The following GRIA4 variants were observed in gnomAD, a reference collection of about 807,000 sequenced individuals.
The protein encoded by GRIA4 is glutamate receptor 4.
Under a neutral mutation model 104.0 loss-of-function variants are expected in GRIA4, and 34 were observed. That is an observed-to-expected ratio of 0.33 (90% CI 0.25 to 0.44). The LOEUF (loss-of-function observed/expected upper bound fraction) is 0.44, where lower values mean the gene tolerates loss of function less well. Among genes scored for constraint, GRIA4 ranks in the 20% least tolerant of loss-of-function variants. The pLI, the probability that GRIA4 is intolerant of heterozygous loss-of-function variation, is 1.00. For missense variants in GRIA4, 750 were observed against 1,096.5 expected (o/e 0.68, Z 4.46); for synonymous variants, 386 against 381.9 (o/e 1.01, Z -0.13).
chr11:105,729,653 A>G (rs947891153), intron 3 of GRIA4, among the ~76,000 whole-genome samples: 4 of 152,220 alleles, frequency 2.6e-5, no homozygotes, highest in African/African-American at 9.6e-5. Context: ...TAAAAAGCTT[A>G]TCCACCTGGA....
At chr11:105,854,983 G>A (rs1376074655) in intron 4 of GRIA4, among the ~76,000 whole-genome samples, 1 of 152,196 alleles carries the variant, frequency 6.6e-6, no homozygotes, top group Non-Finnish European at 1.5e-5. Flanking sequence ...AGGTTCAACT[G>A]TATTGTGAAA....
At chr11:105,613,161 G>C (rs1331132556) in intron 3 of GRIA4, 1 of 151,966 alleles carries the variant, frequency 6.6e-6, no homozygotes, top group African/African-American at 2.4e-5. Flanking sequence ...GAAACTAAAC[G>C]GGTGACCTCA....
At chr11:105,816,026 C>G (rs1005373514) in intron 4 of GRIA4, among the ~76,000 whole-genome samples, 1 of 152,054 alleles carries the variant, frequency 6.6e-6, no homozygotes, top group Non-Finnish European at 1.5e-5. Context: ...TCTGCATGCA[C>G]GTGAGATAGC....
intron 3 of GRIA4, among the ~76,000 whole-genome samples, chr11:105,736,551 T>C (rs1221478296): frequency 6.6e-6 from 1 of 152,078 alleles, no homozygotes; most frequent in Non-Finnish European, 1.5e-5. Context: ...ATATATATAG[T>C]ATACATGTTT....
At chr11:105,678,525 C>T (rs1447028569) in intron 3 of GRIA4, among the ~76,000 whole-genome samples, 1 of 152,066 alleles carries the variant, frequency 6.6e-6, no homozygotes, top group East Asian at 1.9e-4. Flanking sequence ...TTTTTTGACA[C>T]TTCATGTAGG....
intron 5 of GRIA4, among the ~76,000 whole-genome samples, chr11:105,886,127 AC>A (rs1946246399): frequency 6.6e-6 from 1 of 152,234 alleles, no homozygotes. Flanking sequence ...ATTTTATTTC[AC>A]CAATAGCCAT....
chr11:105,638,886 CCTTAA>C (rs1280692030), intron 3 of GRIA4, among the ~76,000 whole-genome samples: 1 of 152,090 alleles, frequency 6.6e-6, no homozygotes, highest in Non-Finnish European at 1.5e-5. Flanking sequence ...TCCTTATCAT[CCTTAA>C]CTTTTTTATT....
chr11:105,632,415 A>G (rs1283104039), intron 3 of GRIA4, among the ~76,000 whole-genome samples: 3 of 152,204 alleles, frequency 2.0e-5, no homozygotes, highest in African/African-American at 7.2e-5. Context: ...TCATTTGTAG[A>G]AACACTTCCA....
At chr11:105,621,913 T>C (rs1286604634) in intron 3 of GRIA4, among the ~76,000 whole-genome samples, 2 of 151,876 alleles carry the variant, frequency 1.3e-5, no homozygotes, top group Non-Finnish European at 2.9e-5. Flanking sequence ...TGATTTCTCA[T>C]TGCTGCTTTA....
chr11:105,921,349 G>GTC (rs1555048796), intron 11 of GRIA4, among the ~76,000 whole-genome samples: 1 of 146,842 alleles, frequency 6.8e-6, no homozygotes, highest in Non-Finnish European at 1.5e-5. Context: ...GTGTGTGTGT[G>GTC]TTTTAGTCCA....
rs189244807 is a variant in GRIA4, at chr11:105,648,503, C to T, written c.247+36069C>T. Among the ~76,000 whole-genome samples, 3 of 150,336 alleles carry T rather than the reference C, an allele frequency of 2.0e-5. No individual in the cohort carries two copies. The East Asian group carries it at 5.9e-4, about 29-fold the overall frequency. ...AAAGTTTACACAACCAATTTGAATGCCTCAAAGAGTTTAAAGATAAAATAT... is the reference window on the plus strand; with the variant it reads ...AAAGTTTACACAACCAATTTGAATGTCTCAAAGAGTTTAAAGATAAAATAT... On this transcript the variant is annotated intron_variant, in intron 3 of 16. Transcript: ENST00000282499.
intron 14 of GRIA4, among the ~76,000 whole-genome samples, chr11:105,952,789 T>G (rs1051642343): frequency 6.6e-6 from 1 of 152,204 alleles, no homozygotes; most frequent in African/African-American, 2.4e-5. Flanking sequence ...AGTTTTCAAG[T>G]GCTCATTGCA....
chr11:105,617,450 T>C (rs1257887774), intron 3 of GRIA4, among the ~76,000 whole-genome samples: 1 of 151,906 alleles, frequency 6.6e-6, no homozygotes, highest in Non-Finnish European at 1.5e-5. Context: ...TTCTTATACC[T>C]ACTATCCTAG....
At chr11:105,702,634 A>C (rs1395798783) in intron 3 of GRIA4, among the ~76,000 whole-genome samples, 2 of 151,602 alleles carry the variant, frequency 1.3e-5, no homozygotes, top group Non-Finnish European at 2.9e-5. Flanking sequence ...ACACTCTTTT[A>C]AGCACTTTTC....
rs1017078141 is a variant in GRIA4 at position 105,847,086 on chromosome 11, C to G, written c.488-14938C>G. On this transcript the variant is annotated intron_variant, in intron 4 of 16. Coordinates refer to ENST00000282499, the MANE Select transcript of GRIA4 (RefSeq NM_000829.4). ...TCATCAGGATCTTAGATTCTCATGA[C>G]GAGCACACAATCTTTTTGGCACCGG... 7.4e-5 allele frequency among the ~76,000 whole-genome samples: 11 copies of G among 149,172 alleles called. No individual in the cohort carries two copies. The East Asian group carries it at 2.2e-3, about 30-fold the overall frequency.
chr11:105,891,673 C>T (rs544022832), intron 6 of GRIA4, among the ~76,000 whole-genome samples: 1 of 152,242 alleles, frequency 6.6e-6, no homozygotes, highest in African/African-American at 2.4e-5. Flanking sequence ...CCCTAAATAT[C>T]CACTTTGATA....
intron 3 of GRIA4, among the ~76,000 whole-genome samples, chr11:105,684,488 C>A (rs1387158366): frequency 6.7e-6 from 1 of 149,438 alleles, no homozygotes; most frequent in East Asian, 2.0e-4. Flanking sequence ...TAAGACAAAC[C>A]AACACACCTT....
chr11:105,761,325 T>C (rs1421113778), intron 4 of GRIA4, among the ~76,000 whole-genome samples: 3 of 152,160 alleles, frequency 2.0e-5, no homozygotes, highest in Non-Finnish European at 2.9e-5. Flanking sequence ...GTGTATCTTT[T>C]GACATTTTTT....
At position 105,907,648 on chromosome 11, in the gene GRIA4, C is replaced by A. The variant is rs139100166; in HGVS notation, c.1158+2347C>A. Among the ~76,000 whole-genome samples the A allele has an allele frequency of 1.3e-3, 195 of 152,156 alleles. 1 individual carries two copies. Among genetic ancestry groups the A allele is most frequent in the African/African-American group, 4.5e-3 (186 of 41,520 alleles). Reference sequence around the variant, plus strand: ...ACTCCAGTGACCCCCATCCAGGGCTCCAGAGGGAATGCTCCAGAGCTGCAT... The same window carrying A: ...ACTCCAGTGACCCCCATCCAGGGCTACAGAGGGAATGCTCCAGAGCTGCAT... On this transcript the variant is annotated intron_variant, in intron 9 of 16. Coordinates refer to ENST00000282499, the MANE Select transcript of GRIA4 (RefSeq NM_000829.4).
Sources: allele counts gnomAD v4.1 joint callset (sites outside exome capture counted in the v4.1 genomes callset), GRCh38; gene constraint gnomAD v4.1.1; transcripts MANE v1.5; gene names NCBI Gene and HGNC (gene_info 2026-07-23, HGNC 2026-07-21).